GAK: variants seen among roughly 807,000 people sequenced by gnomAD.
GAK encodes cyclin G associated kinase.
In GAK, 79 loss-of-function variants were observed where a neutral mutation model predicts 143.9. The ratio of observed to expected loss-of-function variants is 0.55; its 90% CI spans 0.46 to 0.66. GAK has a LOEUF of 0.66. GAK is among the 30% of genes least tolerant of loss of function. The pLI is 0.00. For missense variants in GAK, 1,693 were observed against 1,779.7 expected (o/e 0.95, Z 0.88); for synonymous variants, 881 against 765.5 (o/e 1.15, Z -2.49).
intron 10 of GAK, 104 bp from the exon 11 acceptor site, chr4:889,074 C>T: frequency 7.3e-7 from 1 of 1,373,834 alleles, no homozygotes; most frequent in South Asian, 1.5e-5. Flanking sequence ...TCCCACCTCC[C>T]CAGGCGCTCG....
In GAK at chr4:930,004, C is replaced by T. The variant is rs1056382893; in HGVS notation, c.145+2039G>A. 2.0e-5 allele frequency among the ~76,000 whole-genome samples: 3 copies of T among 151,984 alleles called. No individual in the cohort carries two copies. The South Asian group carries it at 6.2e-4, about 32-fold the overall frequency. ...CTTTCCCAAGTCTTCTGGGAGTATC[C>T]CACGATATACAGGTTATATGCTGCA... On this transcript the variant is annotated intron_variant, in intron 1 of 27. Transcript: ENST00000314167.
At position 868,599 on chromosome 4, in the gene GAK, CAG is replaced by C. The variant is rs745556061; in HGVS notation, c.2333_2334del (p.Ser778Ter). 5 of 1,601,918 alleles carry C rather than the reference CAG, an allele frequency of 3.1e-6. No homozygotes were observed. The highest frequency in any genetic ancestry group is 4.3e-6 in the Non-Finnish European group (5 of 1,174,712). On this transcript the variant is annotated frameshift_variant, in exon 20 of 28. Transcript: ENST00000314167. LOFTEE classifies it high-confidence loss of function. ...AGSPEAEPTD[S>X]DSPPSSSADA... ...TCCGCGCTGCTGCTTGGCGGTGAGT[CAG>C]AGTCTGTGGGTTCGGCTTCCGGGGA...
At chr4:902,387 T>C (rs1440684260) in intron 5 of GAK, among the ~76,000 whole-genome samples, 1 of 151,746 alleles carries the variant, frequency 6.6e-6, no homozygotes, top group Admixed American at 6.6e-5. Context: ...GGTGGATCAC[T>C]CGAGCTCAGG....
Position 851,740 on chromosome 4 carries a change from G to C in GAK, c.3508+10C>G, listed in dbSNP as rs1251377409. ...GCAAACTCCACAGCAACAGAGAGTGGGGGACTCACCAAAGCTGGGTGCGCG... is the reference window on the plus strand; with the variant it reads ...GCAAACTCCACAGCAACAGAGAGTGCGGGACTCACCAAAGCTGGGTGCGCG... On this transcript the variant is annotated intron_variant, in intron 25 of 27. Transcript: ENST00000314167. The C allele has an allele frequency of 6.2e-7, 1 of 1,611,470 alleles. No individual in the cohort carries two copies. The highest frequency in any genetic ancestry group is 8.5e-7 in the Non-Finnish European group (1 of 1,178,574).
At chr4:850,348 T>G in intron 26 of GAK, 1 of 376,248 alleles carries the variant, frequency 2.7e-6, no homozygotes, top group Non-Finnish European at 4.8e-6. Flanking sequence ...GTTCTGGTGG[T>G]GCAACCCCTT....
intron 15 of GAK, among the ~76,000 whole-genome samples, chr4:879,810 G>C (rs569933832): frequency 6.6e-6 from 1 of 152,310 alleles, no homozygotes; most frequent in Non-Finnish European, 1.5e-5. Context: ...CCCTGCCTGA[G>C]GTGGAGGCAG....
intron 1 of GAK, among the ~76,000 whole-genome samples, chr4:929,193 G>A (rs1725294977): frequency 6.6e-6 from 1 of 152,188 alleles, no homozygotes; most frequent in Non-Finnish European, 1.5e-5. Flanking sequence ...CATTCCTTAG[G>A]CCAGAGCTTG....
intron 11 of GAK, 92 bp downstream of exon 11, chr4:888,755 C>T (rs1445891829): frequency 1.3e-5 from 19 of 1,481,544 alleles, no homozygotes; most frequent in Admixed American, 1.1e-4. Context: ...GCCTGATGAC[C>T]AGCTGTTCCA....
chr4:861,852 A>G (rs76002742), intron 23 of GAK, among the ~76,000 whole-genome samples: 37 of 152,348 alleles, frequency 2.4e-4, no homozygotes, highest in African/African-American at 8.7e-4. Context: ...CATCCTCCTA[A>G]GCCAAAGCCT....
chr4:876,701 A>G, intron 17 of GAK, 92 bp from the exon 18 acceptor site: 3 of 1,118,120 alleles, frequency 2.7e-6, no homozygotes, highest in Non-Finnish European at 4.1e-6. Context: ...GAGATCTGAG[A>G]GCGGCTCATG....
intron 17 of GAK, 128 bp downstream of exon 17, chr4:876,962 A>C (rs1242701702): frequency 1.5e-6 from 1 of 654,436 alleles, no homozygotes; most frequent in Non-Finnish European, 2.7e-6. Flanking sequence ...GCCACATGAG[A>C]GCCCACGGCA....
In GAK at chr4:867,086, G is replaced by C; in HGVS notation, c.2742C>G (p.Leu914=). Residue 914 remains leucine, a synonymous_variant, in exon 21 of 28, where the codon CTC becomes CTG. Transcript: ENST00000314167. ...PSSNTDLLSC[L]LGPPEAASQG... ...GGGAGGCGGCCTCAGGGGGCCCAAG[G>C]AGGCAGCTGAGCAGGTCGGTGTTGC... 6.4e-7 allele frequency: 1 copy of C among 1,550,454 alleles called. No homozygotes were observed. The highest frequency in any genetic ancestry group is 1.2e-5 in the South Asian group (1 of 82,448).
rs1354029152 is a variant in GAK, at chr4:851,249, C to CA, written c.3509-166dup. 5.4e-6 allele frequency: 3 copies of CA among 558,440 alleles called. No homozygotes were observed. The Admixed American group carries it at 9.3e-5, about 17-fold the overall frequency. 34.6% of individuals were successfully genotyped at this position (558,440 alleles called of 1,614,324 possible). On this transcript the variant is annotated intron_variant, in intron 25 of 27. Transcript: ENST00000314167. ...AGTAGCTGGGACCACAGGCATGCGC[C>CA]ACCATGCCTGGCTAATTTTTACATT...
chr4:870,632 A>C, intron 19 of GAK, 79 bp downstream of exon 19: 4 of 1,466,820 alleles, frequency 2.7e-6, no homozygotes, highest in Non-Finnish European at 3.8e-6. Context: ...CAGCCCTGCC[A>C]GAGCTCAGCC....
intron 14 of GAK, 105 bp downstream of exon 14, chr4:882,592 A>G: frequency 7.0e-7 from 1 of 1,419,514 alleles, no homozygotes; most frequent in Non-Finnish European, 9.6e-7. Context: ...TCCCAGGGTG[A>G]AGAACAGGCC....
At chr4:887,590 A>G (rs1716735833) in intron 11 of GAK, 1 of 150,600 alleles carries the variant, frequency 6.6e-6, no homozygotes, top group Non-Finnish European at 1.5e-5. Flanking sequence ...ATGCGTACAC[A>G]TGCACGCGGC....
In GAK at chr4:870,757, G is replaced by A; in HGVS notation, c.2202C>T (p.Ile734=). 1 of 1,614,038 alleles carries A rather than the reference G, an allele frequency of 6.2e-7. No homozygotes were observed. The change falls in exon 19 of 28, where the codon ATC becomes ATT. Residue 734 remains isoleucine (I), a synonymous_variant. Coordinates refer to ENST00000314167, the MANE Select transcript of GAK (RefSeq NM_005255.4). ...NSSMRGLNPK[I]LFSSREEQQD... ...GCTGCTCCTCCCGGCTGGAAAACAG[G>A]ATTTTGGGGTTCAGCCCCCTCATGC... is the stretch of plus-strand genomic sequence containing the variant.
chr4:917,226 A>G (rs1309633489), intron 1 of GAK, among the ~76,000 whole-genome samples: 1 of 152,234 alleles, frequency 6.6e-6, no homozygotes, highest in African/African-American at 2.4e-5. Flanking sequence ...ACAGAAGGCC[A>G]ATGCCAGGCC....
intron 10 of GAK, among the ~76,000 whole-genome samples, chr4:889,417 C>G (rs1341069625): frequency 6.6e-6 from 1 of 151,864 alleles, no homozygotes; most frequent in African/African-American, 2.4e-5. Context: ...GAGGTCTTCA[C>G]AGGCGGCTTT....
Sources: gnomAD v4.1 joint callset for allele counts (sites outside exome capture counted in the v4.1 genomes callset) on GRCh38, gnomAD v4.1.1 for gene constraint, MANE v1.5 for transcripts, NCBI Gene and HGNC (gene_info 2026-07-23, HGNC 2026-07-21) for gene names.